Variants in TSHR observed in about 807,000 individuals in gnomAD.
TSHR encodes thyrotropin receptor.
Under a neutral mutation model 64.1 loss-of-function variants are expected in TSHR, and 51 were observed. The observed-to-expected ratio is 0.80, with a 90% CI of 0.64 to 1.01. The LOEUF (loss-of-function observed/expected upper bound fraction) is 1.01. Ranked by LOEUF, TSHR falls within the 50% of genes least tolerant of loss-of-function variation. The pLI is 0.00. For missense variants in TSHR, 877 were observed against 942.8 expected, an observed-to-expected ratio of 0.93 and a Z score of 0.91; for synonymous variants, 361 against 361.9, an observed-to-expected ratio of 1.00 and a Z score of 0.03.
intron 1 of TSHR, among the ~76,000 whole-genome samples, chr14:81,006,252 G>A (rs1438946988): frequency 6.6e-6 from 1 of 152,186 alleles, no homozygotes; most frequent in East Asian, 1.9e-4. Context: ...CAGACTGGGT[G>A]GCTTAAACAA....
Position 81,143,689 on chromosome 14 carries a change from G to A in TSHR, c.1631G>A (p.Gly544Glu), listed in dbSNP as rs1891805647. 6 of 1,614,054 alleles carry A rather than the reference G, an allele frequency of 3.7e-6. No individual in the cohort carries two copies. Among genetic ancestry groups the A allele is most frequent in the East Asian group, 2.2e-5 (1 of 44,884 alleles). Residue 544 changes from glycine to glutamate, a missense_variant, in exon 10 of 10, where the codon GGG (glycine) becomes GAG (glutamate). Physicochemically the swap from Gly to Glu is moderately conservative, Grantham distance 98. Transcript: ENST00000298171. Reference sequence around the variant, plus strand: ...AGGCACGCATGTGCCATCATGGTTGGGGGCTGGGTTTGCTGCTTCCTTCTC... The same window carrying A: ...AGGCACGCATGTGCCATCATGGTTGAGGGCTGGGTTTGCTGCTTCCTTCTC... Reference protein sequence around the residue: ...RLRHACAIMVGGWVCCFLLAL... With the variant: ...RLRHACAIMVEGWVCCFLLAL...
chr14:81,005,086 G>C (rs1889524556), intron 1 of TSHR, among the ~76,000 whole-genome samples: 1 of 152,140 alleles, frequency 6.6e-6, no homozygotes, highest in African/African-American at 2.4e-5. Flanking sequence ...ATGAAAATAT[G>C]TTCCTTTTCT....
chr14:81,044,525 G>A (rs1043696859), intron 1 of TSHR, among the ~76,000 whole-genome samples: 1 of 152,046 alleles, frequency 6.6e-6, no homozygotes, highest in Non-Finnish European at 1.5e-5. Flanking sequence ...AGGTGTGGTG[G>A]CATGTGCCTG....
chr14:81,128,632 A>G (rs1342210465), intron 8 of TSHR, among the ~76,000 whole-genome samples: 2 of 151,584 alleles, frequency 1.3e-5, no homozygotes, highest in Admixed American at 6.6e-5. Flanking sequence ...CCTACCTCCT[A>G]TTTCTTTCCT....
At chr14:81,123,866 C>A (rs1890908543) in intron 8 of TSHR, among the ~76,000 whole-genome samples, 1 of 152,150 alleles carries the variant, frequency 6.6e-6, no homozygotes, top group Admixed American at 6.5e-5. Context: ...TATGCAATCT[C>A]ATTTTCCATT....
At chr14:81,134,464 C>T (rs368264055) in intron 8 of TSHR, among the ~76,000 whole-genome samples, 3 of 143,660 alleles carry the variant, frequency 2.1e-5, no homozygotes, top group African/African-American at 8.0e-5. Flanking sequence ...AGGAACAGAA[C>T]ACAAGAAAGT....
In TSHR at chr14:80,957,466, C is replaced by CA. The variant is rs11305793; in HGVS notation, c.170+1629dup. Among the ~76,000 whole-genome samples, 664 of 144,136 alleles carry CA rather than the reference C, an allele frequency of 4.6e-3. 1 individual carries two copies. Among genetic ancestry groups the CA allele is most frequent in the East Asian group, 0.011 (52 of 4,872 alleles). 94.6% of individuals were successfully genotyped at this position (144,136 alleles called of 152,430 possible). On this transcript the variant is annotated intron_variant, in intron 1 of 9. Transcript: ENST00000298171. ...GAACTACTTAGACACTCAGAAAAAA[C>CA]AAAAAAAAAAAAACTTAAGTGAATA...
chr14:81,043,777 G>A (rs924556705), intron 1 of TSHR, among the ~76,000 whole-genome samples: 1 of 151,990 alleles, frequency 6.6e-6, no homozygotes, highest in African/African-American at 2.4e-5. Flanking sequence ...TCGGAAACAA[G>A]TCCACACACT....
chr14:80,969,463 C>G (rs2091423715), intron 1 of TSHR, among the ~76,000 whole-genome samples: 1 of 152,126 alleles, frequency 6.6e-6, no homozygotes, highest in African/African-American at 2.4e-5. Flanking sequence ...CTATTTCTTA[C>G]AGGGTGGAAA....
chr14:81,129,098 C>T (rs987946892), intron 8 of TSHR, among the ~76,000 whole-genome samples: 2 of 152,184 alleles, frequency 1.3e-5, no homozygotes, highest in Non-Finnish European at 2.9e-5. Context: ...ACCTTGACCT[C>T]CGAGCTCCAC....
At chr14:81,123,989 AT>A (rs1890912660) in intron 8 of TSHR, among the ~76,000 whole-genome samples, 1 of 152,206 alleles carries the variant, frequency 6.6e-6, no homozygotes, top group African/African-American at 2.4e-5. Flanking sequence ...AATGCCTTTC[AT>A]AATAATCAGA....
chr14:80,980,773 C>T (rs187254007), intron 1 of TSHR, among the ~76,000 whole-genome samples: 1 of 152,214 alleles, frequency 6.6e-6, no homozygotes, highest in African/African-American at 2.4e-5. Context: ...TTCATTCTTG[C>T]CTTTTAACTT....
chr14:81,117,653 GA>G, intron 8 of TSHR, among the ~76,000 whole-genome samples: 1 of 123,438 alleles, frequency 8.1e-6, no homozygotes, highest in South Asian at 3.1e-4. Flanking sequence ...GAAAAAGAGG[GA>G]ATCCTCCCTA....
At chr14:81,026,244 G>C in intron 1 of TSHR, among the ~76,000 whole-genome samples, 1 of 152,148 alleles carries the variant, frequency 6.6e-6, no homozygotes, top group Non-Finnish European at 1.5e-5. Context: ...CAAACCTAGA[G>C]CAGTACCTGG....
chr14:81,010,503 T>A (rs1377162966), intron 1 of TSHR, among the ~76,000 whole-genome samples: 2 of 152,036 alleles, frequency 1.3e-5, no homozygotes, highest in African/African-American at 2.4e-5. Context: ...TTAATGAGCT[T>A]TTTAAATTTA....
chr14:80,994,415 T>C (rs1233046500), intron 1 of TSHR: 1 of 151,590 alleles, frequency 6.6e-6, no homozygotes, highest in Non-Finnish European at 1.5e-5. Context: ...AGAGACCAAA[T>C]AGCCAAGGCA....
chr14:81,076,058 C>T (rs1887479424), intron 3 of TSHR, among the ~76,000 whole-genome samples: 1 of 152,106 alleles, frequency 6.6e-6, no homozygotes, highest in African/African-American at 2.4e-5. Flanking sequence ...AAAAACCAAA[C>T]ACCGCATATT....
chr14:81,116,029 A>G (rs953794048), intron 8 of TSHR, among the ~76,000 whole-genome samples: 33 of 152,286 alleles, frequency 2.2e-4, no homozygotes, highest in African/African-American at 7.9e-4. Flanking sequence ...TCCTGAAGGA[A>G]GCGCTAAACA....
At chr14:80,990,435 T>A (rs1186472129) in intron 1 of TSHR, among the ~76,000 whole-genome samples, 1 of 152,250 alleles carries the variant, frequency 6.6e-6, no homozygotes, top group Non-Finnish European at 1.5e-5. Flanking sequence ...GCCCCTTTGA[T>A]GGCTCTTTGG....
Sources: gnomAD v4.1 joint callset for allele counts (sites outside exome capture counted in the v4.1 genomes callset) on GRCh38, gnomAD v4.1.1 for gene constraint, MANE v1.5 for transcripts, NCBI Gene and HGNC (gene_info 2026-07-23, HGNC 2026-07-21) for gene names.